HK2: variants seen among roughly 807,000 people sequenced by gnomAD.
HK2 encodes hexokinase-2.
HK2 carries 42 observed loss-of-function variants against 92.9 expected under a neutral mutation model. That is an observed-to-expected ratio of 0.45 (90% CI 0.35 to 0.58). The LOEUF (loss-of-function observed/expected upper bound fraction) is 0.58. HK2 is among the 20% of genes least tolerant of loss of function. HK2 has a pLI of 0.00. For missense variants in HK2, 978 were observed against 1,245.1 expected (o/e 0.79, Z 3.23); for synonymous variants, 422 against 468.0 (o/e 0.90, Z 1.27).
chr2:74,862,691 C>A (rs530558551), intron 2 of HK2, among the ~76,000 whole-genome samples: 1 of 152,108 alleles, frequency 6.6e-6, no homozygotes, highest in Non-Finnish European at 1.5e-5. Flanking sequence ...GTAGTCCAGG[C>A]GATATAAATT....
intron 2 of HK2, among the ~76,000 whole-genome samples, chr2:74,866,628 C>T (rs956732570): frequency 6.6e-6 from 1 of 152,178 alleles, no homozygotes; most frequent in Non-Finnish European, 1.5e-5. Context: ...AGGAACTGCA[C>T]CTTCCCAGTG....
intron 1 of HK2, among the ~76,000 whole-genome samples, chr2:74,844,943 C>A (rs1688402714): frequency 1.3e-5 from 2 of 152,142 alleles, no homozygotes; most frequent in African/African-American, 4.8e-5. Flanking sequence ...TTCTTGAGCA[C>A]CTATTATATC....
chr2:74,888,075 C>T lies in HK2; in HGVS notation c.2375+17C>T. 6.2e-7 allele frequency: 1 copy of T among 1,613,482 alleles called. No individual in the cohort carries two copies. Among genetic ancestry groups the T allele is most frequent in the Middle Eastern group, 1.7e-4 (1 of 6,058 alleles). On this transcript the variant is annotated intron_variant, in intron 16 of 17. Coordinates refer to ENST00000290573, the MANE Select transcript of HK2 (RefSeq NM_000189.5). ...GATTGAGAGGTGAGAGCTTAGGGCT[C>T]AGGGTAGCAGGGGGGCCATGTCCTT...
intron 1 of HK2, 57 bp from the exon 2 acceptor site, chr2:74,854,236 C>T: frequency 2.6e-6 from 4 of 1,536,438 alleles, no homozygotes; most frequent in Non-Finnish European, 2.7e-6. Context: ...ATGACGTACA[C>T]CTATGCCATA....
In HK2 at chr2:74,874,336, G is replaced by T; in HGVS notation, c.762G>T (p.Arg254=). ...ACATGGTGGAAGGCGATGAGGGGCG[G>T]ATGTGTATCAATATGGAGTGGGGGG... is the stretch of plus-strand genomic sequence containing the variant. ...HIDMVEGDEG[R]MCINMEWGAF... The change falls in exon 7 of 18, where the codon CGG becomes CGT. Residue 254 remains arginine (R), a synonymous_variant. Coordinates refer to ENST00000290573, the MANE Select transcript of HK2 (RefSeq NM_000189.5). 6.2e-7 allele frequency: 1 copy of T among 1,614,180 alleles called. No homozygotes were observed. The highest frequency in any genetic ancestry group is 1.3e-5 in the African/African-American group (1 of 75,030).
At chr2:74,874,742 G>C (rs1456027566) in intron 7 of HK2, among the ~76,000 whole-genome samples, 8 of 152,138 alleles carry the variant, frequency 5.3e-5, no homozygotes, top group Non-Finnish European at 1.2e-4. Context: ...CCTTCTATTT[G>C]TAAATTGTCC....
At chr2:74,873,711 G>A in intron 5 of HK2, 133 bp from the exon 6 acceptor site, 1 of 707,744 alleles carries the variant, frequency 1.4e-6, no homozygotes, top group African/African-American at 1.8e-5. Flanking sequence ...CTTATCACAG[G>A]AGGAGTTATG....
chr2:74,866,426 G>A (rs1461047493), intron 2 of HK2, among the ~76,000 whole-genome samples: 1 of 152,190 alleles, frequency 6.6e-6, no homozygotes. Context: ...AAGACTGGCG[G>A]TGCTGCTCGC....
intron 17 of HK2, 100 bp from the exon 18 acceptor site, chr2:74,890,695 CTG>C (rs1387612015): frequency 2.4e-6 from 3 of 1,241,274 alleles, no homozygotes; most frequent in East Asian, 2.3e-5. Flanking sequence ...TTAATTATTT[CTG>C]TGTTTCCAGC....
In HK2 at chr2:74,850,468, T is replaced by C. The variant is rs139127065; in HGVS notation, c.64-3825T>C. Among the ~76,000 whole-genome samples the C allele has an allele frequency of 6.3e-3, 954 of 152,274 alleles. 11 individuals carry two copies. Among genetic ancestry groups the C allele is most frequent in the African/African-American group, 0.021 (879 of 41,552 alleles). ...CTAGGCCACATGACTATCAATTGGGTGGAGAGAGACAAACTAGATAAATTC... is the reference window on the plus strand; with the variant it reads ...CTAGGCCACATGACTATCAATTGGGCGGAGAGAGACAAACTAGATAAATTC... On this transcript the variant is annotated intron_variant, in intron 1 of 17. Coordinates refer to ENST00000290573, the MANE Select transcript of HK2 (RefSeq NM_000189.5).
intron 13 of HK2, among the ~76,000 whole-genome samples, chr2:74,885,835 A>C (rs1689514189): frequency 7.2e-6 from 1 of 138,574 alleles, no homozygotes; most frequent in Admixed American, 7.0e-5. Flanking sequence ...GGTGCTGTTA[A>C]GAGCTGTGAA....
chr2:74,879,836 T>C (rs1689337433), intron 9 of HK2, among the ~76,000 whole-genome samples: 2 of 152,212 alleles, frequency 1.3e-5, no homozygotes, highest in African/African-American at 4.8e-5. Flanking sequence ...TTTTGGGTCT[T>C]TCCCAGACAG....
In HK2 at chr2:74,878,776, A is replaced by C. The variant is rs1689305937; in HGVS notation, c.1120A>C (p.Ile374Leu). 1.3e-6 allele frequency: 2 copies of C among 1,579,354 alleles called. No homozygotes were observed. The highest frequency in any genetic ancestry group is 8.6e-7 in the Non-Finnish European group (1 of 1,162,900). The change falls in exon 9 of 18, where the codon ATC (isoleucine) becomes CTC (leucine). Residue 374 changes from isoleucine (I) to leucine (L), a missense_variant. Transcript: ENST00000290573. ...TQEDCVATHR[I>L]CQIVSTRSAS... Reference sequence around the variant, plus strand: ...GGAGGACTGCGTGGCCACTCACCGGATCTGCCAGATCGTGTCCACACGCTC... The same window carrying C: ...GGAGGACTGCGTGGCCACTCACCGGCTCTGCCAGATCGTGTCCACACGCTC...
At chr2:74,872,104 C>T (rs1013511421) in intron 3 of HK2, among the ~76,000 whole-genome samples, 196 bp from the exon 4 acceptor site, 4 of 152,182 alleles carry the variant, frequency 2.6e-5, no homozygotes, top group African/African-American at 9.7e-5. Flanking sequence ...TGTATTGACT[C>T]ATGTACTCCT....
At chr2:74,859,354 A>G (rs1688762815) in intron 2 of HK2, among the ~76,000 whole-genome samples, 1 of 152,192 alleles carries the variant, frequency 6.6e-6, no homozygotes, top group African/African-American at 2.4e-5. Context: ...TAAGATCTAG[A>G]TGAAGTGAAA....
At chr2:74,854,644 G>C (rs561097274) in intron 2 of HK2, among the ~76,000 whole-genome samples, 189 bp downstream of exon 2, 6 of 152,344 alleles carry the variant, frequency 3.9e-5, no homozygotes, top group African/African-American at 1.4e-4. Flanking sequence ...AGTCCTGGCA[G>C]TTAAGGGAGG....
At chr2:74,881,621 G>A in intron 10 of HK2, 90 bp from the exon 11 acceptor site, 2 of 1,303,010 alleles carry the variant, frequency 1.5e-6, no homozygotes, top group South Asian at 2.4e-5. Flanking sequence ...GATGGAACAG[G>A]AATGGTGTAT....
At chr2:74,837,672 C>CTTTTTTTTT (rs894014535) in intron 1 of HK2, among the ~76,000 whole-genome samples, 1 of 104,134 alleles carries the variant, frequency 9.6e-6, no homozygotes, top group African/African-American at 3.7e-5. Flanking sequence ...TTGCCCTTGT[C>CTTTTTTTTT]TTTTTTTTTT....
chr2:74,836,531 C>A (rs1440243904), intron 1 of HK2, among the ~76,000 whole-genome samples: 1 of 152,210 alleles, frequency 6.6e-6, no homozygotes, highest in Non-Finnish European at 1.5e-5. Flanking sequence ...TTAAGCGCTG[C>A]AGTGTGCAAC....
Sources: allele counts gnomAD v4.1 joint callset (sites outside exome capture counted in the v4.1 genomes callset), GRCh38; gene constraint gnomAD v4.1.1; transcripts MANE v1.5; gene names NCBI Gene and HGNC (gene_info 2026-07-23, HGNC 2026-07-21).